TBC1D19: variants seen among roughly 807,000 people sequenced by gnomAD.
TBC1D19 encodes the protein TBC1 domain family member 19.
A neutral mutation model predicts 89.0 loss-of-function variants in TBC1D19; 60 were observed. That is an observed-to-expected ratio of 0.67 (90% CI 0.55 to 0.84). The LOEUF is 0.84. TBC1D19 is among the 40% of genes least tolerant of loss of function. The pLI is 0.00. For synonymous variants in TBC1D19, 189 were observed against 199.7 expected (o/e 0.95, Z 0.45); for missense variants, 500 against 610.8 (o/e 0.82, Z 1.91).
At chr4:26,686,832 C>T (rs1187118353) in intron 12 of TBC1D19, among the ~76,000 whole-genome samples, 1 of 152,240 alleles carries the variant, frequency 6.6e-6, no homozygotes, top group East Asian at 1.9e-4. Context: ...ACCCCAGAGT[C>T]ATCTATGACT....
the TBC1D19 span, among the ~76,000 whole-genome samples, chr4:26,817,528 T>TC: frequency 6.6e-6 from 1 of 152,110 alleles, no homozygotes; most frequent in African/African-American, 2.4e-5. Flanking sequence ...CTAGGCAGTC[T>TC]CCCCCAGGTT....
chr4:26,711,080 G>A lies in TBC1D19; in HGVS notation c.955-6853G>A, dbSNP rs557122053. ...GGCTTTTGTTGCCATTGCTTTTGGC[G>A]TTTTAGACATGAAGTCCTTGCCCAT... On this transcript the variant is annotated intron_variant, in intron 13 of 20. Transcript: ENST00000264866. Among the ~76,000 whole-genome samples the A allele has an allele frequency of 3.3e-4, 50 of 152,236 alleles. 1 individual carries two copies. Among genetic ancestry groups the A allele is most frequent in the East Asian group, 2.5e-3 (13 of 5,188 alleles).
chr4:26,584,127 A>G lies in TBC1D19; in HGVS notation c.-67A>G, dbSNP rs1739256597. On this transcript the variant is annotated 5_prime_UTR_variant, in exon 1 of 21. Transcript: ENST00000264866. Reference sequence around the variant, plus strand: ...AGAAGTGTCACTGGCCCTGAGTGGGACCCGGTAGCCCGTTCGCTCCGCGCC... The same window carrying G: ...AGAAGTGTCACTGGCCCTGAGTGGGGCCCGGTAGCCCGTTCGCTCCGCGCC... 12 of 1,514,920 alleles carry G rather than the reference A, an allele frequency of 7.9e-6. No individual in the cohort carries two copies. In the South Asian group the frequency reaches 1.2e-4, roughly 15 times the overall value. 93.8% of individuals were successfully genotyped at this position (1,514,920 alleles called of 1,614,324 possible).
chr4:26,808,005 G>A, the TBC1D19 span, among the ~76,000 whole-genome samples: 6 of 152,234 alleles, frequency 3.9e-5, no homozygotes, highest in Non-Finnish European at 8.8e-5. Context: ...TCACAAGCCA[G>A]AGGCTGATGC....
the TBC1D19 span, among the ~76,000 whole-genome samples, chr4:26,788,598 C>T: frequency 1.3e-5 from 2 of 152,162 alleles, no homozygotes; most frequent in East Asian, 3.8e-4. Context: ...AGTCATTAGG[C>T]CTCTTTCTGC....
the TBC1D19 span, among the ~76,000 whole-genome samples, chr4:26,796,879 G>A: frequency 1.3e-5 from 2 of 152,028 alleles, no homozygotes; most frequent in South Asian, 2.1e-4. Flanking sequence ...GTAAACTTTT[G>A]GAGGTTATAG....
chr4:26,681,548 C>T (rs1252319585), intron 11 of TBC1D19, among the ~76,000 whole-genome samples: 1 of 151,692 alleles, frequency 6.6e-6, no homozygotes, highest in Non-Finnish European at 1.5e-5. Flanking sequence ...GAGACGCCGT[C>T]TCAAAAAAAA....
At chr4:26,679,061 AC>A (rs1406427247) in intron 11 of TBC1D19, among the ~76,000 whole-genome samples, 2 of 152,188 alleles carry the variant, frequency 1.3e-5, no homozygotes, top group Non-Finnish European at 2.9e-5. Context: ...GAAAAGAAAC[AC>A]CCATTTTCTG....
chr4:26,628,184 A>G (rs1472867203), intron 4 of TBC1D19, among the ~76,000 whole-genome samples: 1 of 152,112 alleles, frequency 6.6e-6, no homozygotes, highest in African/African-American at 2.4e-5. Flanking sequence ...TTTGTCAAAG[A>G]TCAGATAGTT....
intron 3 of TBC1D19, among the ~76,000 whole-genome samples, chr4:26,617,878 G>A (rs1055990416): frequency 9.9e-5 from 15 of 152,142 alleles, no homozygotes; most frequent in African/African-American, 3.6e-4. Flanking sequence ...TGTTATAGTA[G>A]ATATATGCAA....
chr4:26,835,031 C>T, the TBC1D19 span, among the ~76,000 whole-genome samples: 12 of 152,182 alleles, frequency 7.9e-5, no homozygotes, highest in Non-Finnish European at 1.2e-4. Context: ...ATGTCCACCT[C>T]TTAATCACTG....
chr4:26,718,561 C>T (rs557883565), intron 14 of TBC1D19, among the ~76,000 whole-genome samples: 1 of 152,178 alleles, frequency 6.6e-6, no homozygotes, highest in South Asian at 2.1e-4. Context: ...ATGGTGAACA[C>T]CCAACACTGA....
At chr4:26,586,170 G>GTTTTTTTTTTTTTTTTT (rs1560396710) in intron 1 of TBC1D19, among the ~76,000 whole-genome samples, 1 of 135,150 alleles carries the variant, frequency 7.4e-6, no homozygotes, top group Non-Finnish European at 1.5e-5. Flanking sequence ...TGCAAGGTAA[G>GTTTTTTTTTTTTTTTTT]CTTTTTTTTT....
chr4:26,839,584 T>G, the TBC1D19 span, among the ~76,000 whole-genome samples: 1 of 151,316 alleles, frequency 6.6e-6, no homozygotes, highest in African/African-American at 2.4e-5. Context: ...CCCCCCGCCC[T>G]TTCTGTCAAA....
chr4:26,804,214 T>C, the TBC1D19 span, among the ~76,000 whole-genome samples: 1,318 of 152,256 alleles, frequency 8.7e-3, 24 homozygotes, highest in Non-Finnish European at 9.0e-3. Flanking sequence ...GGTGGGATCT[T>C]GGCTCACTGC....
intron 17 of TBC1D19, among the ~76,000 whole-genome samples, chr4:26,741,083 G>A (rs911759249): frequency 1.3e-5 from 2 of 152,088 alleles, no homozygotes; most frequent in East Asian, 1.9e-4. Context: ...CTGGCCGGGC[G>A]TGGTGGCTCA....
chr4:26,616,903 A>T (rs1391870620), intron 3 of TBC1D19, among the ~76,000 whole-genome samples: 2 of 152,176 alleles, frequency 1.3e-5, no homozygotes, highest in African/African-American at 4.8e-5. Flanking sequence ...ACAGTGATTG[A>T]ATGCTTATTT....
chr4:26,761,021 G>A (rs1719442642), downstream of TBC1D19, among the ~76,000 whole-genome samples: 1 of 152,090 alleles, frequency 6.6e-6, no homozygotes. Context: ...AACTGATTAT[G>A]TGTATGGGCT....
chr4:26,854,879 T>C, the TBC1D19 span, among the ~76,000 whole-genome samples: 1 of 152,248 alleles, frequency 6.6e-6, no homozygotes, highest in Non-Finnish European at 1.5e-5. Flanking sequence ...TTCAGGGATC[T>C]GGCTTCTCTG....
Sources: allele counts gnomAD v4.1 joint callset (sites outside exome capture counted in the v4.1 genomes callset), GRCh38; gene constraint gnomAD v4.1.1; transcripts MANE v1.5; gene names NCBI Gene and HGNC (gene_info 2026-07-23, HGNC 2026-07-21).